MYG1: variants seen among roughly 807,000 people sequenced by gnomAD.
MYG1 encodes MYG1 exonuclease, also known as UPF0160 protein MYG1, mitochondrial.
MYG1 carries 36 observed loss-of-function variants against 43.5 expected under a neutral mutation model. That is an observed-to-expected ratio of 0.83 (90% CI 0.63 to 1.09). The LOEUF is 1.09. Ranked by LOEUF, MYG1 falls within the 50% of genes least tolerant of loss-of-function variation. The probability of loss-of-function intolerance (pLI) is 0.00; values close to 1 mark genes in which losing one functional copy is unlikely to be tolerated. For missense variants in MYG1, 529 were observed against 495.1 expected (o/e 1.07, Z -0.65); for synonymous variants, 220 against 202.8 (o/e 1.08, Z -0.72).
chr12:53,300,306 T>A, intron 2 of MYG1, 44 bp downstream of exon 2: 1 of 1,413,102 alleles, frequency 7.1e-7, no homozygotes. Context: ...TGACCTCAGC[T>A]TTCCTCTGTG....
At position 53,303,033 on chromosome 12, in the gene MYG1, G is replaced by C; in HGVS notation, c.330-1G>C. 1.3e-5 allele frequency: 21 copies of C among 1,608,736 alleles called. No individual in the cohort carries two copies. Among genetic ancestry groups the C allele is most frequent in the Non-Finnish European group, 1.8e-5 (21 of 1,176,510 alleles). Reference sequence around the variant, plus strand: ...CAGCCCCACCTCCCTATGCTCCTCAGGTCTTTCACAGAGACCATGAGCTCC... The same window carrying C: ...CAGCCCCACCTCCCTATGCTCCTCACGTCTTTCACAGAGACCATGAGCTCC... On this transcript the variant is annotated splice_acceptor_variant, in intron 2 of 6. Coordinates refer to ENST00000267103, the MANE Select transcript of MYG1 (RefSeq NM_021640.4). LOFTEE classifies it high-confidence loss of function.
chr12:53,302,250 A>C (rs1308158090), intron 2 of MYG1, among the ~76,000 whole-genome samples: 1 of 152,184 alleles, frequency 6.6e-6, no homozygotes, highest in Admixed American at 6.5e-5. Context: ...AAGTGTTGGG[A>C]TTAGAGGTGT....
rs182859823 is a variant in MYG1 at position 53,306,817 on chromosome 12, G to A, written c.903G>A (p.Trp301Ter). The change falls in exon 6 of 7, where the codon TGG becomes TGA. Residue 301 changes from tryptophan to a stop codon, truncating the protein, a stop_gained. Transcript: ENST00000267103. LOFTEE classifies it high-confidence loss of function. ...FVIYTDQAGQWRIQCVPKEPH... is the reference protein window; with the variant it reads ...FVIYTDQAGQ ...TCTACACTGACCAGGCTGGACAGTG[G>A]CGAATACAGTGTGTGCCCAAGGAGC... The A allele has an allele frequency of 1.9e-6, 3 of 1,614,152 alleles. No individual in the cohort carries two copies. Among genetic ancestry groups the A allele is most frequent in the Non-Finnish European group, 2.5e-6 (3 of 1,180,000 alleles).
intron 5 of MYG1, 151 bp downstream of exon 5, chr12:53,306,471 G>C: frequency 8.1e-7 from 1 of 1,229,142 alleles, no homozygotes; most frequent in Non-Finnish European, 1.1e-6. Context: ...AGCCTCCTGA[G>C]TAGCTGGGAC....
chr12:53,306,196 A>G lies in MYG1; in HGVS notation c.643-2A>G, dbSNP rs764953423. ...CATGGTTCTAATTCTCATCATTCCCAGGCAGGGTTCAAGCGTGCAATGGAT... is the reference window on the plus strand; with the variant it reads ...CATGGTTCTAATTCTCATCATTCCCGGGCAGGGTTCAAGCGTGCAATGGAT... On this transcript the variant is annotated splice_acceptor_variant, in intron 4 of 6. Coordinates refer to ENST00000267103, the MANE Select transcript of MYG1 (RefSeq NM_021640.4). LOFTEE classifies it high-confidence loss of function. 1.9e-6 allele frequency: 3 copies of G among 1,614,232 alleles called. No homozygotes were observed. Among genetic ancestry groups the G allele is most frequent in the Non-Finnish European group, 2.5e-6 (3 of 1,180,040 alleles).
In MYG1 at chr12:53,306,213, G is replaced by C. The variant is rs756523245; in HGVS notation, c.658G>C (p.Ala220Pro). ...DQDTEAGFKR[A>P]MDLVQEEFLQ... ...TCATTCCCAGGCAGGGTTCAAGCGT[G>C]CAATGGATCTGGTTCAAGAGGAGTT... The change falls in exon 5 of 7, where the codon GCA (alanine) becomes CCA (proline). Residue 220 changes from alanine (A) to proline (P), a missense_variant. Coordinates refer to ENST00000267103, the MANE Select transcript of MYG1 (RefSeq NM_021640.4). 11 of 1,614,132 alleles carry C rather than the reference G, an allele frequency of 6.8e-6. No individual in the cohort carries two copies. The South Asian group carries it at 1.2e-4, about 18-fold the overall frequency.
In MYG1 at chr12:53,300,129, T is replaced by C. The variant is rs932722753; in HGVS notation, c.217-21T>C. 3.2e-6 allele frequency: 5 copies of C among 1,579,294 alleles called. No individual in the cohort carries two copies. The African/African-American group carries it at 5.4e-5, about 17-fold the overall frequency. On this transcript the variant is annotated intron_variant, in intron 1 of 6. Transcript: ENST00000267103. ...TACCCGGCGACACCCGGCAGCCCCTTCACCCCTGTGTACCTCGCAGGATGC... is the reference window on the plus strand; with the variant it reads ...TACCCGGCGACACCCGGCAGCCCCTCCACCCCTGTGTACCTCGCAGGATGC...
intron 3 of MYG1, chr12:53,303,476 A>G (rs1944246249): frequency 2.9e-6 from 1 of 341,896 alleles, no homozygotes; most frequent in Admixed American, 4.8e-5. Context: ...TGACACACAC[A>G]AACAGCAATT....
chr12:53,306,180 A>T lies in MYG1; in HGVS notation c.643-18A>T. The T allele has an allele frequency of 6.2e-7, 1 of 1,614,188 alleles. No homozygotes were observed. Among genetic ancestry groups the T allele is most frequent in the Non-Finnish European group, 8.5e-7 (1 of 1,180,030 alleles). ...AAGTTTGGGCCAGCATCATGGTTCTAATTCTCATCATTCCCAGGCAGGGTT... is the reference window on the plus strand; with the variant it reads ...AAGTTTGGGCCAGCATCATGGTTCTTATTCTCATCATTCCCAGGCAGGGTT... On this transcript the variant is annotated intron_variant, in intron 4 of 6. Transcript: ENST00000267103.
intron 3 of MYG1, among the ~76,000 whole-genome samples, chr12:53,304,938 G>A (rs1268831927): frequency 4.3e-5 from 6 of 139,030 alleles, no homozygotes; most frequent in Admixed American, 3.2e-4. Flanking sequence ...GCGGGATCTC[G>A]GCTCACTGCA....
chr12:53,302,985 ACT>A (rs1364872800), intron 2 of MYG1, 47 bp from the exon 3 acceptor site: 1 of 1,512,002 alleles, frequency 6.6e-7, no homozygotes, highest in African/African-American at 1.4e-5. Context: ...ATGCATGGAG[ACT>A]CTAGCCAAGG....
At position 53,305,449 on chromosome 12, in the gene MYG1, T is replaced by C. The variant is rs80231027; in HGVS notation, c.490-459T>C. On this transcript the variant is annotated intron_variant, in intron 3 of 6. Transcript: ENST00000267103. ...AACCCAGCAACCAGCTTTTGGTGTC[T>C]AGTCTCACACTCATTTTCTCCCACT... Among the ~76,000 whole-genome samples, 289 of 152,292 alleles carry C rather than the reference T, an allele frequency of 1.9e-3. 3 individuals are homozygous for C. The highest frequency in any genetic ancestry group is 6.6e-3 in the African/African-American group (276 of 41,544).
chr12:53,303,564 A>G, intron 3 of MYG1: 1 of 185,072 alleles, frequency 5.4e-6, no homozygotes, highest in African/African-American at 2.4e-5. Context: ...GGCTGCCCTG[A>G]AGGTTGAGGG....
rs1944208566 is a variant in MYG1, at chr12:53,299,792, CT to C, written c.56del (p.Leu19ArgfsTer98). The C allele has an allele frequency of 1.2e-6, 2 of 1,614,090 alleles. No homozygotes were observed. The highest frequency in any genetic ancestry group is 1.3e-5 in the African/African-American group (1 of 75,042). Reference protein sequence around the residue: ...LLTLLLPPPPLYTRHRMLGPE... With the variant: ...LLTLLLPPPPXYTRHRMLGPE... ...AACGCTGCTGCTGCCGCCGCCACCCCTGTATACCCGGCACCGCATGCTCGGT... is the reference window on the plus strand; with the variant it reads ...AACGCTGCTGCTGCCGCCGCCACCCCGTATACCCGGCACCGCATGCTCGGT... On this transcript the variant is annotated frameshift_variant, in exon 1 of 7. Coordinates refer to ENST00000267103, the MANE Select transcript of MYG1 (RefSeq NM_021640.4). LOFTEE classifies it high-confidence loss of function.
chr12:53,304,901 C>T (rs1484952800), intron 3 of MYG1, among the ~76,000 whole-genome samples: 3 of 140,716 alleles, frequency 2.1e-5, no homozygotes, highest in Non-Finnish European at 4.5e-5. Flanking sequence ...CGGAGTCTCG[C>T]TCTGTCGCCC....
intron 3 of MYG1, among the ~76,000 whole-genome samples, chr12:53,305,457 C>T (rs1944266208): frequency 6.6e-6 from 1 of 152,150 alleles, no homozygotes; most frequent in Non-Finnish European, 1.5e-5. Flanking sequence ...TCTAGTCTCA[C>T]ACTCATTTTC....
At chr12:53,306,619 CAA>C in intron 5 of MYG1, 59 bp from the exon 6 acceptor site, 9 of 1,540,606 alleles carry the variant, frequency 5.8e-6, no homozygotes, top group Non-Finnish European at 7.1e-6. Context: ...GTTGTGACTA[CAA>C]ACATGATCAC....
rs754475199 is a variant in MYG1, at chr12:53,299,781, C to T, written c.44C>T (p.Pro15Leu). The T allele has an allele frequency of 3.7e-6, 6 of 1,611,604 alleles. No individual in the cohort carries two copies. The highest frequency in any genetic ancestry group is 3.3e-5 in the South Asian group (3 of 91,016). ...FLRGLLTLLLPPPPLYTRHRM... is the reference protein window; with the variant it reads ...FLRGLLTLLLLPPPLYTRHRM... ...CGCGGCCTCTTAACGCTGCTGCTGC[C>T]GCCGCCACCCCTGTATACCCGGCAC... Residue 15 changes from proline (P) to leucine (L), a missense_variant, in exon 1 of 7, where the codon CCG becomes CTG. By Grantham distance (98) the Pro-to-Leu change is moderately conservative. Transcript: ENST00000267103.
At chr12:53,306,368 A>C in intron 5 of MYG1, 48 bp downstream of exon 5, 1 of 1,606,788 alleles carries the variant, frequency 6.2e-7, no homozygotes, top group East Asian at 2.2e-5. Context: ...ACTGACTGCC[A>C]ATCAACAGGA....
Sources: allele counts gnomAD v4.1 joint callset (sites outside exome capture counted in the v4.1 genomes callset), GRCh38; gene constraint gnomAD v4.1.1; transcripts MANE v1.5; gene names NCBI Gene and HGNC (gene_info 2026-07-23, HGNC 2026-07-21).